CD5: variants seen among roughly 807,000 people sequenced by gnomAD.
CD5 encodes the protein T-cell surface glycoprotein CD5.
A neutral mutation model predicts 60.3 loss-of-function variants in CD5; 36 were observed. The observed-to-expected ratio is 0.60, with a 90% CI of 0.46 to 0.79. The LOEUF (loss-of-function observed/expected upper bound fraction) is 0.79. Ranked by LOEUF, CD5 falls within the 30% of genes least tolerant of loss-of-function variation. The pLI is 0.00. For missense variants in CD5, 540 were observed against 630.6 expected (o/e 0.86, Z 1.54); for synonymous variants, 230 against 257.6 (o/e 0.89, Z 1.03).
intron 2 of CD5, among the ~76,000 whole-genome samples, chr11:61,116,539 C>CCACA (rs200986151): frequency 7.5e-5 from 8 of 106,978 alleles, no homozygotes; most frequent in East Asian, 3.0e-4. Context: ...ACACCCCACA[C>CCACA]CACACACACA....
chr11:61,116,778 CCACA>C (rs781397522), intron 2 of CD5, among the ~76,000 whole-genome samples: 2 of 140,276 alleles, frequency 1.4e-5, no homozygotes, highest in Non-Finnish European at 3.1e-5. Context: ...CCACGCACCA[CCACA>C]CACACACACC....
chr11:61,119,631 C>A lies in CD5; in HGVS notation c.805+56C>A, dbSNP rs1245941790. 4 of 1,240,874 alleles carry A rather than the reference C, an allele frequency of 3.2e-6. No homozygotes were observed. In the African/African-American group the frequency reaches 4.5e-5, roughly 14 times the overall value. The allele number at this position is 1,240,874 out of a possible 1,614,324, so 76.9% of individuals were successfully genotyped here. On this transcript the variant is annotated intron_variant, in intron 5 of 10. Coordinates refer to ENST00000347785, the MANE Select transcript of CD5 (RefSeq NM_014207.4). ...CCTTCTGCTGCCCTAGGTGGGGTCA[C>A]AGAGCATCCCAGAAGGTCAGGGAAC... is the stretch of plus-strand genomic sequence containing the variant.
At chr11:61,122,373 TGATGGATGGATGGATGGATGGATGGATG>T (rs6144363) in intron 6 of CD5, among the ~76,000 whole-genome samples, 5 of 116,664 alleles carry the variant, frequency 4.3e-5, no homozygotes, top group Admixed American at 3.5e-4. Context: ...GGTGGATGGA[TGATGGATGGATGGATGGATGGATGGATG>T]GATGGATGGA....
intron 1 of CD5, among the ~76,000 whole-genome samples, chr11:61,110,471 C>A (rs149268860): frequency 6.6e-6 from 1 of 152,340 alleles, no homozygotes; most frequent in Non-Finnish European, 1.5e-5. Flanking sequence ...CAAGGTCACA[C>A]AGCACTTCAT....
the CD5 span, among the ~76,000 whole-genome samples, chr11:61,094,352 G>A: frequency 6.6e-6 from 1 of 152,126 alleles, no homozygotes; most frequent in Non-Finnish European, 1.5e-5. Context: ...CACTCCATTT[G>A]AGTGGAAGCA....
chr11:61,100,418 ACAT>A (rs1438117404), upstream of CD5, among the ~76,000 whole-genome samples: 5 of 150,192 alleles, frequency 3.3e-5, no homozygotes, highest in Admixed American at 6.6e-5. Context: ...ACATTCACAC[ACAT>A]CAACATGGAG....
chr11:61,101,398 A>T (rs1483496943), upstream of CD5, among the ~76,000 whole-genome samples: 7 of 61,492 alleles, frequency 1.1e-4, no homozygotes, highest in African/African-American at 3.4e-4. Context: ...TCACACACAC[A>T]CGTCAACATG....
upstream of CD5, among the ~76,000 whole-genome samples, chr11:61,101,008 T>A (rs1412910887): frequency 4.2e-5 from 4 of 96,182 alleles, no homozygotes; most frequent in African/African-American, 1.3e-4. Flanking sequence ...CACACACACA[T>A]CAACATGGAG....
intron 1 of CD5, among the ~76,000 whole-genome samples, chr11:61,110,051 C>A (rs1795455875): frequency 6.6e-6 from 1 of 151,974 alleles, no homozygotes; most frequent in African/African-American, 2.4e-5. Context: ...CTGTAGAGCC[C>A]CCAGAGGGGG....
At chr11:61,111,044 A>AT (rs1565183753) in intron 1 of CD5, among the ~76,000 whole-genome samples, 1 of 152,282 alleles carries the variant, frequency 6.6e-6, no homozygotes, top group South Asian at 2.1e-4. Flanking sequence ...TTGTTAGAGC[A>AT]TTTTTTAAAG....
At chr11:61,101,400 GTCAACATGGAGATCACATTCACACACA>G (rs1860683726), upstream of CD5, among the ~76,000 whole-genome samples, 5 of 33,582 alleles carry the variant, frequency 1.5e-4, no homozygotes, top group Admixed American at 4.3e-4. Context: ...ACACACACAC[GTCAACATGGAGATCACATTCACACACA>G]TCAACATGGA....
upstream of CD5, among the ~76,000 whole-genome samples, chr11:61,100,265 A>ACATT (rs1282494600): frequency 3.4e-5 from 5 of 146,950 alleles, no homozygotes; most frequent in African/African-American, 1.3e-4. Flanking sequence ...CATGGAGATC[A>ACATT]CACACACATC....
intron 10 of CD5, 22 bp downstream of exon 10, chr11:61,125,863 C>T: frequency 6.5e-7 from 1 of 1,545,546 alleles, no homozygotes; most frequent in South Asian, 1.2e-5. Flanking sequence ...TCCAGCCTGA[C>T]CCCAGCACCC....
chr11:61,121,987 G>C (rs1458215864), intron 6 of CD5, 83 bp downstream of exon 6: 6 of 1,259,810 alleles, frequency 4.8e-6, no homozygotes, highest in Non-Finnish European at 5.3e-6. Flanking sequence ...TCTCTAAAGG[G>C]AAGCCCTGGG....
intron 2 of CD5, among the ~76,000 whole-genome samples, chr11:61,116,747 A>C (rs1860968537): frequency 3.5e-5 from 3 of 85,596 alleles, no homozygotes; most frequent in African/African-American, 4.4e-5. Context: ...CACCACATAC[A>C]CCACACACAC....
chr11:61,099,560 C>T (rs1446924657), upstream of CD5, among the ~76,000 whole-genome samples: 2 of 149,904 alleles, frequency 1.3e-5, no homozygotes, highest in Non-Finnish European at 2.9e-5. Context: ...AGATCACACA[C>T]ACACATCAAC....
At chr11:61,115,141 G>C in intron 2 of CD5, 47 bp downstream of exon 2, 2 of 1,523,886 alleles carry the variant, frequency 1.3e-6, no homozygotes, top group Non-Finnish European at 1.8e-6. Context: ...GGGGAGAGTG[G>C]GGCTGTGGTT....
chr11:61,100,602 T>TCACACACACATCAACATGGAGATCA (rs142930647), upstream of CD5, among the ~76,000 whole-genome samples: 9 of 24,618 alleles, frequency 3.7e-4, no homozygotes, highest in Admixed American at 1.1e-3. Context: ...AACATGGAGA[T>TCACACACACATCAACATGGAGATCA]CACACACACA....
At chr11:61,103,461 G>A (rs571767412) in intron 1 of CD5, among the ~76,000 whole-genome samples, 44 of 152,222 alleles carry the variant, frequency 2.9e-4, no homozygotes, top group Admixed American at 1.2e-3. Flanking sequence ...GAGAGGGTCC[G>A]GAGGCCTTGC....
Sources: gnomAD v4.1 joint callset for allele counts (sites outside exome capture counted in the v4.1 genomes callset) on GRCh38, gnomAD v4.1.1 for gene constraint, MANE v1.5 for transcripts, NCBI Gene and HGNC (gene_info 2026-07-23, HGNC 2026-07-21) for gene names.